The following ANO2 variants were observed in gnomAD, a reference collection of about 807,000 sequenced individuals.
ANO2 encodes anoctamin-2.
A neutral mutation model predicts 124.2 loss-of-function variants in ANO2; 101 were observed. The observed-to-expected ratio is 0.81, with a 90% CI of 0.69 to 0.96. The LOEUF (loss-of-function observed/expected upper bound fraction) is 0.96. Among genes scored for constraint, ANO2 ranks in the 40% least tolerant of loss-of-function variants. The pLI is 0.00. For synonymous variants in ANO2, 486 were observed against 482.5 expected, an observed-to-expected ratio of 1.01 and a Z score of -0.09; for missense variants, 1,293 against 1,274.5, an observed-to-expected ratio of 1.01 and a Z score of -0.22.
chr12:5,576,196 A>G (rs1244688936), intron 22 of ANO2, among the ~76,000 whole-genome samples, 181 bp from the exon 23 acceptor site: 6 of 152,240 alleles, frequency 3.9e-5, no homozygotes, highest in Non-Finnish European at 8.8e-5. Context: ...GTGTATAAGT[A>G]TAATAAGTCC....
chr12:5,676,648 A>G (rs922745016), intron 14 of ANO2, among the ~76,000 whole-genome samples: 2 of 152,160 alleles, frequency 1.3e-5, no homozygotes, highest in African/African-American at 4.8e-5. Context: ...AAGAGAAAAA[A>G]TATAGTAACT....
At chr12:5,819,248 G>A (rs566480086) in intron 7 of ANO2, among the ~76,000 whole-genome samples, 1 of 152,282 alleles carries the variant, frequency 6.6e-6, no homozygotes, top group South Asian at 2.1e-4. Flanking sequence ...AGCCCCAGTG[G>A]GCCCTTAGAT....
chr12:5,615,448 T>C (rs1044957001), intron 16 of ANO2, among the ~76,000 whole-genome samples, 151 bp from the exon 17 acceptor site: 5 of 152,108 alleles, frequency 3.3e-5, no homozygotes, highest in Non-Finnish European at 7.4e-5. Flanking sequence ...ACTGAAGTCA[T>C]CTGGGAGGCC....
chr12:5,938,073 T>G (rs1327787027), intron 1 of ANO2, among the ~76,000 whole-genome samples: 1 of 152,214 alleles, frequency 6.6e-6, no homozygotes, highest in African/African-American at 2.4e-5. Flanking sequence ...CCTCACCCTG[T>G]GCATGTGAAG....
At position 5,862,973 on chromosome 12, in the gene ANO2, T is replaced by C. The variant is rs1473731322; in HGVS notation, c.535-8832A>G. Among the ~76,000 whole-genome samples the C allele has an allele frequency of 6.6e-6, 1 of 152,084 alleles. No individual in the cohort carries two copies. Among genetic ancestry groups the C allele is most frequent in the Non-Finnish European group, 1.5e-5 (1 of 68,010 alleles). On this transcript the variant is annotated intron_variant, in intron 3 of 24. Transcript: ENST00000682330. The surrounding 1 kb of genome is among the most constrained non-coding windows in gnomAD (Gnocchi z 4.0). ...ACCCAGCTAATTTTTTGTATTTTTT[T>C]CTTTTTTTTAGTAGAGACGGTGAGG...
At chr12:5,766,884 A>T (rs11063853) in intron 10 of ANO2, among the ~76,000 whole-genome samples, 3,602 of 152,282 alleles carry the variant, frequency 0.024, 130 homozygotes, top group African/African-American at 0.078. Flanking sequence ...AGGCCAAGCT[A>T]ACAAAAGACA....
rs750090811 is a variant in ANO2, at chr12:5,563,306, T to C, written c.2990A>G (p.Asn997Ser). The C allele has an allele frequency of 9.4e-6, 15 of 1,598,398 alleles. No homozygotes were observed. The highest frequency in any genetic ancestry group is 1.3e-5 in the Non-Finnish European group (15 of 1,176,368). Residue 997 changes from asparagine (N) to serine (S), a missense_variant, in exon 25 of 25, where the codon AAT becomes AGT. Physicochemically the swap from Asn to Ser is conservative, Grantham distance 46. Transcript: ENST00000682330. ...TGCTGCAGGCTGAACTGCTCACACATTGGTGTGCTGAGAGCCTGACGACAT... is the reference window on the plus strand; with the variant it reads ...TGCTGCAGGCTGAACTGCTCACACACTGGTGTGCTGAGAGCCTGACGACAT... ...SMMSSGSQHTNV is the reference protein window; with the variant it reads ...SMMSSGSQHTSV
chr12:5,687,718 C>G (rs528103110), intron 14 of ANO2, among the ~76,000 whole-genome samples: 1 of 152,350 alleles, frequency 6.6e-6, no homozygotes, highest in Admixed American at 6.5e-5. Context: ...ATTCAACATG[C>G]TTACAGACAT....
At chr12:5,754,848 T>C (rs1349440629) in intron 10 of ANO2, among the ~76,000 whole-genome samples, 1 of 152,158 alleles carries the variant, frequency 6.6e-6, no homozygotes, top group Non-Finnish European at 1.5e-5. Context: ...TAAGGATTCG[T>C]CAACAAACTC....
intron 8 of ANO2, 52 bp from the exon 9 acceptor site, chr12:5,806,145 G>C (rs547747821): frequency 6.5e-7 from 1 of 1,550,156 alleles, no homozygotes; most frequent in Non-Finnish European, 8.8e-7. Flanking sequence ...CCAGAAGCAG[G>C]TGCCAAAGGA....
chr12:5,632,351 T>A (rs1945763174), intron 16 of ANO2, among the ~76,000 whole-genome samples: 1 of 151,680 alleles, frequency 6.6e-6, no homozygotes, highest in Non-Finnish European at 1.5e-5. Context: ...AGAATCTGAG[T>A]CTGAACCTTA....
At chr12:5,696,659 CA>C (rs1404350622) in intron 14 of ANO2, among the ~76,000 whole-genome samples, 2 of 152,016 alleles carry the variant, frequency 1.3e-5, no homozygotes, top group Non-Finnish European at 2.9e-5. Context: ...AAACCAGACA[CA>C]AAATGTAAGA....
intron 3 of ANO2, among the ~76,000 whole-genome samples, chr12:5,897,160 A>AT (rs1939848214): frequency 6.6e-6 from 1 of 152,126 alleles, no homozygotes; most frequent in African/African-American, 2.4e-5. Context: ...AAATAAATAA[A>AT]AAAGAATTCA....
At chr12:5,609,413 C>A (rs1281130913) in intron 19 of ANO2, among the ~76,000 whole-genome samples, 1 of 152,112 alleles carries the variant, frequency 6.6e-6, no homozygotes, top group Non-Finnish European at 1.5e-5. Context: ...CAGAAAAGCA[C>A]CCTGCATGCT....
rs764172194 is a variant in ANO2 at position 5,812,920 on chromosome 12, AAGAG to A, written c.893-5556_893-5553del. ...AGCAAACAAGCAAGCAAGAAAAAGA[AAGAG>A]AGAGAAAGAGAGGAAGGAAGGAAGG... On this transcript the variant is annotated intron_variant, in intron 7 of 24. Coordinates refer to ENST00000682330, the MANE Select transcript of ANO2 (RefSeq NM_001364791.2). Among the ~76,000 whole-genome samples the A allele has an allele frequency of 6.9e-5, 10 of 145,704 alleles. 1 individual carries two copies. Among genetic ancestry groups the A allele is most frequent in the South Asian group, 2.4e-4 (1 of 4,228 alleles).
intron 14 of ANO2, among the ~76,000 whole-genome samples, chr12:5,725,097 T>TCACC (rs1950384269): frequency 7.0e-6 from 1 of 143,490 alleles, no homozygotes; most frequent in Admixed American, 6.9e-5. Flanking sequence ...TGTCTCCCTC[T>TCACC]CACACACACA....
At chr12:5,614,182 C>T (rs1944679495) in intron 17 of ANO2, among the ~76,000 whole-genome samples, 1 of 152,230 alleles carries the variant, frequency 6.6e-6, no homozygotes, top group Admixed American at 6.5e-5. Context: ...AGTGATTTTA[C>T]ATCCAGACTG....
chr12:5,924,198 T>G (rs535319169), intron 1 of ANO2, among the ~76,000 whole-genome samples: 1 of 152,316 alleles, frequency 6.6e-6, no homozygotes, highest in South Asian at 2.1e-4. Flanking sequence ...CTTTGCCAAC[T>G]TGTGGAGCAG....
chr12:5,632,016 C>T (rs1945743137), intron 16 of ANO2, among the ~76,000 whole-genome samples: 1 of 152,030 alleles, frequency 6.6e-6, no homozygotes. Context: ...ACCATCCAGA[C>T]AGAGGGGATG....
Sources: allele counts gnomAD v4.1 joint callset (sites outside exome capture counted in the v4.1 genomes callset), GRCh38; gene constraint gnomAD v4.1.1; non-coding constraint Gnocchi (gnomAD v3.1); transcripts MANE v1.5; gene names NCBI Gene and HGNC (gene_info 2026-07-23, HGNC 2026-07-21).